The following CCDC6 variants were observed in gnomAD, a reference collection of about 807,000 sequenced individuals.
CCDC6 encodes the protein coiled-coil domain-containing protein 6.
A neutral mutation model predicts 56.6 loss-of-function variants in CCDC6; 20 were observed. The observed-to-expected ratio is 0.35, with a 90% CI of 0.25 to 0.51. The LOEUF (loss-of-function observed/expected upper bound fraction) is 0.51, where lower values mean the gene tolerates loss of function less well. Ranked by LOEUF, CCDC6 falls within the 20% of genes least tolerant of loss-of-function variation. The probability of loss-of-function intolerance (pLI) is 0.95; values close to 1 mark genes in which losing one functional copy is unlikely to be tolerated. For synonymous variants in CCDC6, 241 were observed against 234.4 expected, an observed-to-expected ratio of 1.03 and a Z score of -0.26; for missense variants, 367 against 601.1, an observed-to-expected ratio of 0.61 and a Z score of 4.07.
chr10:59,887,497 A>G (rs1440280106), intron 1 of CCDC6, among the ~76,000 whole-genome samples: 5 of 151,904 alleles, frequency 3.3e-5, no homozygotes, highest in Admixed American at 6.6e-5. Context: ...AAAAAAAAAA[A>G]AGAGAAGTAT....
At chr10:59,882,861 GA>G (rs2071354923) in intron 1 of CCDC6, among the ~76,000 whole-genome samples, 1 of 152,134 alleles carries the variant, frequency 6.6e-6, no homozygotes, top group Non-Finnish European at 1.5e-5. Context: ...TCAGCAGGCT[GA>G]GGCAGGAGAA....
chr10:59,866,096 G>A lies in CCDC6; in HGVS notation c.304-13394C>T, dbSNP rs185568233. 6.6e-5 allele frequency among the ~76,000 whole-genome samples: 10 copies of A among 152,142 alleles called. No homozygotes were observed. The East Asian group carries it at 7.7e-4, about 12-fold the overall frequency. On this transcript the variant is annotated intron_variant, in intron 1 of 8. Transcript: ENST00000263102. ...GTAGAAAAATAAGCTACAATCATTC[G>A]ATTTCTAAAAGTTAACATCTGTGAT...
At chr10:59,880,795 G>A (rs567734541) in intron 1 of CCDC6, among the ~76,000 whole-genome samples, 1 of 152,274 alleles carries the variant, frequency 6.6e-6, no homozygotes, top group African/African-American at 2.4e-5. Flanking sequence ...TGTAAATGAG[G>A]ATAACTCTTA....
chr10:59,793,211 C>A, intron 8 of CCDC6, 100 bp from the exon 9 acceptor site: 2 of 846,386 alleles, frequency 2.4e-6, no homozygotes, highest in South Asian at 1.7e-5. Flanking sequence ...AAACACTAAC[C>A]AACAAAGACA....
In CCDC6 at chr10:59,792,808, T is replaced by C. The variant is rs1335663554; in HGVS notation, c.*109A>G. ...AATGGATAGTGAAGCCTAGATAACC[T>C]CAGTGCAAATAAGTCATATCCAAAT... On this transcript the variant is annotated 3_prime_UTR_variant, in exon 9 of 9. Coordinates refer to ENST00000263102, the MANE Select transcript of CCDC6 (RefSeq NM_005436.5). 2 of 1,090,732 alleles carry C rather than the reference T, an allele frequency of 1.8e-6. No individual in the cohort carries two copies. Among genetic ancestry groups the C allele is most frequent in the African/African-American group, 1.5e-5 (1 of 65,158 alleles). The allele number at this position is 1,090,732 out of a possible 1,614,324, so 67.6% of individuals were successfully genotyped here.
At chr10:59,811,168 C>T (rs371611734) in intron 5 of CCDC6, among the ~76,000 whole-genome samples, 21 of 152,134 alleles carry the variant, frequency 1.4e-4, no homozygotes, top group African/African-American at 4.6e-4. Context: ...TTTTGAGCCT[C>T]TAGGTTTGTG....
chr10:59,854,131 C>G (rs1388581391), intron 1 of CCDC6, among the ~76,000 whole-genome samples: 2 of 152,086 alleles, frequency 1.3e-5, no homozygotes, highest in Non-Finnish European at 2.9e-5. Flanking sequence ...GAGAACCAGA[C>G]AGGCAGAAGA....
At chr10:59,805,356 CCAAATGTAGTAT>C (rs1441906861) in intron 6 of CCDC6, 1 of 152,142 alleles carries the variant, frequency 6.6e-6, no homozygotes, top group African/African-American at 2.4e-5. Context: ...TTTCTTTCTC[CCAAATGTAGTAT>C]CATTGTTCCT....
At chr10:59,870,275 C>T (rs1305061267) in intron 1 of CCDC6, among the ~76,000 whole-genome samples, 3 of 152,240 alleles carry the variant, frequency 2.0e-5, no homozygotes, top group East Asian at 1.9e-4. Context: ...TCTCCCCACC[C>T]GCCTCTGCTG....
At chr10:59,858,892 T>C (rs989571817) in intron 1 of CCDC6, among the ~76,000 whole-genome samples, 7 of 152,202 alleles carry the variant, frequency 4.6e-5, no homozygotes, top group Admixed American at 2.6e-4. Context: ...AGGAGGTTTA[T>C]AGACACTGTC....
intron 1 of CCDC6, among the ~76,000 whole-genome samples, chr10:59,902,812 A>G (rs1290410790): frequency 6.6e-6 from 1 of 152,222 alleles, no homozygotes. Context: ...CATATAATTC[A>G]GCAATCATGC....
chr10:59,881,854 C>A (rs1013486401), intron 1 of CCDC6, among the ~76,000 whole-genome samples: 2 of 152,188 alleles, frequency 1.3e-5, no homozygotes, highest in Non-Finnish European at 2.9e-5. Flanking sequence ...AAAATATCCT[C>A]ACTCCACGTT....
intron 1 of CCDC6, among the ~76,000 whole-genome samples, chr10:59,869,778 G>A (rs2064286299): frequency 6.6e-6 from 1 of 152,060 alleles, no homozygotes; most frequent in Non-Finnish European, 1.5e-5. Context: ...CTAAGAAATA[G>A]TGATTCCTTG....
intron 3 of CCDC6, among the ~76,000 whole-genome samples, chr10:59,825,490 G>A (rs527658247): frequency 5.3e-5 from 8 of 152,184 alleles, no homozygotes; most frequent in Admixed American, 1.3e-4. Context: ...CATCAGCAGC[G>A]TGAAAAAGGA....
chr10:59,880,264 C>A (rs1192487927), intron 1 of CCDC6, among the ~76,000 whole-genome samples: 1 of 151,862 alleles, frequency 6.6e-6, no homozygotes, highest in Non-Finnish European at 1.5e-5. Context: ...TCTGAAAATA[C>A]CAACTGTACA....
chr10:59,895,501 C>T (rs1589065212), intron 1 of CCDC6, among the ~76,000 whole-genome samples: 2 of 152,110 alleles, frequency 1.3e-5, no homozygotes, highest in Admixed American at 6.5e-5. Context: ...TAGTACTGAT[C>T]GTATAGGACT....
chr10:59,858,640 C>G (rs2071098778), intron 1 of CCDC6, among the ~76,000 whole-genome samples: 1 of 152,188 alleles, frequency 6.6e-6, no homozygotes, highest in South Asian at 2.1e-4. Flanking sequence ...TCCTTCTGGG[C>G]ATGTCCTAAT....
At position 59,791,064 on chromosome 10, in the gene CCDC6, G is replaced by A. The variant is rs2070463146; in HGVS notation, c.*1853C>T. On this transcript the variant is annotated 3_prime_UTR_variant, in exon 9 of 9. Coordinates refer to ENST00000263102, the MANE Select transcript of CCDC6 (RefSeq NM_005436.5). ...CTTGGAATGGCAATGTACCAGGAGGGTGAGTGAACTGTTGGTGAAAATTCC... is the reference window on the plus strand; with the variant it reads ...CTTGGAATGGCAATGTACCAGGAGGATGAGTGAACTGTTGGTGAAAATTCC... The A allele has an allele frequency of 4.7e-6, 1 of 210,596 alleles. No individual in the cohort carries two copies. The highest frequency in any genetic ancestry group is 2.3e-5 in the African/African-American group (1 of 44,076). The allele number at this position is 210,596 out of a possible 1,614,324, so 13.0% of individuals were successfully genotyped here.
chr10:59,813,653 C>G (rs1270785204), intron 4 of CCDC6, among the ~76,000 whole-genome samples: 1 of 152,108 alleles, frequency 6.6e-6, no homozygotes, highest in Non-Finnish European at 1.5e-5. Flanking sequence ...CCAGGTCTAC[C>G]CTTGAGAAAA....
Sources: allele counts gnomAD v4.1 joint callset (sites outside exome capture counted in the v4.1 genomes callset), GRCh38; gene constraint gnomAD v4.1.1; transcripts MANE v1.5; gene names NCBI Gene and HGNC (gene_info 2026-07-23, HGNC 2026-07-21).